The following SPOCK1 variants were observed in gnomAD, a reference collection of about 807,000 sequenced individuals.
The protein encoded by SPOCK1 is testican-1.
SPOCK1 carries 23 observed loss-of-function variants against 55.3 expected under a neutral mutation model. The observed-to-expected ratio is 0.42, with a 90% CI of 0.30 to 0.59. The LOEUF (loss-of-function observed/expected upper bound fraction) is 0.59. Among genes scored for constraint, SPOCK1 ranks in the 20% least tolerant of loss-of-function variants. SPOCK1 has a pLI of 0.22. For synonymous variants in SPOCK1, 226 were observed against 221.0 expected (o/e 1.02, Z -0.20); for missense variants, 499 against 552.5 (o/e 0.90, Z 0.97).
At chr5:137,294,549 C>T (rs1757442111) in intron 2 of SPOCK1, among the ~76,000 whole-genome samples, 1 of 152,216 alleles carries the variant, frequency 6.6e-6, no homozygotes, top group Non-Finnish European at 1.5e-5. Context: ...AACACAAAGG[C>T]CAAGGCCGTG....
intron 4 of SPOCK1, among the ~76,000 whole-genome samples, chr5:137,115,127 A>C (rs1160443407): frequency 1.3e-5 from 2 of 152,170 alleles, no homozygotes; most frequent in African/African-American, 4.8e-5. Context: ...ACTGGTGCCT[A>C]TCAGAGGGCC....
At chr5:137,201,674 A>G (rs1755428197) in intron 3 of SPOCK1, among the ~76,000 whole-genome samples, 1 of 152,228 alleles carries the variant, frequency 6.6e-6, no homozygotes, top group African/African-American at 2.4e-5. Flanking sequence ...AATTACAGCA[A>G]TATAAGCTTT....
intron 3 of SPOCK1, among the ~76,000 whole-genome samples, chr5:137,257,550 A>T (rs754977817): frequency 3.3e-5 from 5 of 152,202 alleles, no homozygotes; most frequent in Non-Finnish European, 7.3e-5. Flanking sequence ...TGGCCTCCAG[A>T]ACTGTAAGAA....
chr5:136,982,844 A>C (rs913839953), intron 9 of SPOCK1, among the ~76,000 whole-genome samples: 3 of 152,172 alleles, frequency 2.0e-5, no homozygotes, highest in East Asian at 3.9e-4. Flanking sequence ...AAGCTGACTG[A>C]ATCTTAGATG....
intron 2 of SPOCK1, among the ~76,000 whole-genome samples, chr5:137,340,807 G>A (rs1750403571): frequency 6.6e-6 from 1 of 151,914 alleles, no homozygotes; most frequent in Non-Finnish European, 1.5e-5. Context: ...CTTGAACTTG[G>A]GAGGCAGAGG....
intron 2 of SPOCK1, among the ~76,000 whole-genome samples, chr5:137,284,915 T>C (rs562493059): frequency 6.6e-6 from 1 of 151,014 alleles, no homozygotes; most frequent in Admixed American, 6.6e-5. Context: ...GCATGGCTCC[T>C]GGGTAGAGAT....
intron 6 of SPOCK1, among the ~76,000 whole-genome samples, chr5:137,024,324 G>GGT (rs1751631563): frequency 7.1e-6 from 1 of 141,686 alleles, no homozygotes; most frequent in African/African-American, 2.6e-5. Flanking sequence ...AGGGGGGGGG[G>GGT]TAGTTACAAC....
chr5:137,304,217 C>T (rs531427851), intron 2 of SPOCK1, among the ~76,000 whole-genome samples: 25 of 152,006 alleles, frequency 1.6e-4, no homozygotes, highest in African/African-American at 4.3e-4. Context: ...CCATAAGAAA[C>T]GAGGTTTTGA....
intron 2 of SPOCK1, among the ~76,000 whole-genome samples, chr5:137,353,148 G>A (rs1750718054): frequency 6.6e-6 from 1 of 152,178 alleles, no homozygotes; most frequent in Non-Finnish European, 1.5e-5. Flanking sequence ...GGAAAGCTGA[G>A]GTGGGCGGAT....
intron 2 of SPOCK1, among the ~76,000 whole-genome samples, chr5:137,339,863 C>G (rs1424868558): frequency 1.8e-4 from 28 of 152,018 alleles, no homozygotes; most frequent in Non-Finnish European, 7.4e-5. Context: ...ATTGGAAGCC[C>G]CTGGGATGAG....
Position 136,988,523 on chromosome 5 carries a change from T to G in SPOCK1, c.827A>C (p.Lys276Thr), listed in dbSNP as rs536372124. 1 of 1,614,152 alleles carries G rather than the reference T, an allele frequency of 6.2e-7. No homozygotes were observed. The highest frequency in any genetic ancestry group is 1.1e-5 in the South Asian group (1 of 91,074). The change falls in exon 8 of 11, where the codon AAG (lysine) becomes ACG (threonine). Residue 276 changes from lysine to threonine, a missense_variant. Coordinates refer to ENST00000394945, the MANE Select transcript of SPOCK1 (RefSeq NM_004598.4). ...PSEINAIYLD[K>T]YEPCIKPLFN... Reference sequence around the variant, plus strand: ...AAGAGGCTTGATACAGGGCTCGTACTTATCCAGGTAGATGGCATTGATCTC... The same window carrying G: ...AAGAGGCTTGATACAGGGCTCGTACGTATCCAGGTAGATGGCATTGATCTC...
At chr5:137,086,270 C>G (rs1752957932) in intron 5 of SPOCK1, among the ~76,000 whole-genome samples, 1 of 152,156 alleles carries the variant, frequency 6.6e-6, no homozygotes. Context: ...TTAGCCACCC[C>G]ACAGGCTACA....
intron 2 of SPOCK1, among the ~76,000 whole-genome samples, chr5:137,390,963 A>G (rs1224903873): frequency 6.6e-6 from 1 of 152,162 alleles, no homozygotes; most frequent in Non-Finnish European, 1.5e-5. Flanking sequence ...ATAGGTATAC[A>G]TGTGCCAAGG....
chr5:137,089,521 A>T (rs966762371), intron 5 of SPOCK1, among the ~76,000 whole-genome samples: 14 of 152,156 alleles, frequency 9.2e-5, no homozygotes, highest in African/African-American at 3.1e-4. Flanking sequence ...TCTTCTCTGT[A>T]CCTAGGACCT....
intron 2 of SPOCK1, among the ~76,000 whole-genome samples, chr5:137,433,538 G>A (rs1459059607): frequency 1.3e-5 from 2 of 152,146 alleles, no homozygotes; most frequent in East Asian, 1.9e-4. Flanking sequence ...GGAGAGGCAG[G>A]CCCCATTTGG....
chr5:137,095,434 C>T (rs13360974), intron 5 of SPOCK1, among the ~76,000 whole-genome samples: 51,554 of 152,120 alleles, frequency 0.34, 8,840 homozygotes, highest in Middle Eastern at 0.36. Context: ...ACTGTTTGGG[C>T]TCAGCTAAGT....
intron 6 of SPOCK1, among the ~76,000 whole-genome samples, chr5:137,051,356 C>G (rs1210006035): frequency 6.6e-6 from 1 of 152,202 alleles, no homozygotes; most frequent in Non-Finnish European, 1.5e-5. Flanking sequence ...AGTAAGGGCG[C>G]TGCCTGGTGA....
At chr5:137,117,731 A>G (rs981101124) in intron 4 of SPOCK1, among the ~76,000 whole-genome samples, 3 of 152,084 alleles carry the variant, frequency 2.0e-5, no homozygotes, top group African/African-American at 7.2e-5. Flanking sequence ...AAAAAAAACC[A>G]TTTAGCAAAA....
At chr5:137,027,720 C>G (rs899171310) in intron 6 of SPOCK1, among the ~76,000 whole-genome samples, 2 of 152,080 alleles carry the variant, frequency 1.3e-5, no homozygotes, top group African/African-American at 2.4e-5. Flanking sequence ...CCATCAACCC[C>G]CTTGCAGAGC....
Sources: allele counts gnomAD v4.1 joint callset (sites outside exome capture counted in the v4.1 genomes callset), GRCh38; gene constraint gnomAD v4.1.1; transcripts MANE v1.5; gene names NCBI Gene and HGNC (gene_info 2026-07-23, HGNC 2026-07-21).